ST8SIA1: variants seen among roughly 807,000 people sequenced by gnomAD.
ST8SIA1 encodes the protein ST8 alpha-N-acetyl-neuraminide alpha-2,8-sialyltransferase 1, also known as alpha-N-acetylneuraminide alpha-2,8-sialyltransferase.
In ST8SIA1, 16 loss-of-function variants were observed where a neutral mutation model predicts 35.9. The ratio of observed to expected loss-of-function variants is 0.45; its 90% CI spans 0.30 to 0.68. The LOEUF (loss-of-function observed/expected upper bound fraction) is 0.68, where lower values mean the gene tolerates loss of function less well. ST8SIA1 is among the 30% of genes least tolerant of loss of function. ST8SIA1 has a pLI of 0.09. For synonymous variants in ST8SIA1, 170 were observed against 169.6 expected (o/e 1.00, Z -0.02); for missense variants, 383 against 453.6 (o/e 0.84, Z 1.41).
intron 1 of ST8SIA1, chr12:22,326,051 C>T (rs894827352): frequency 2.2e-6 from 1 of 450,524 alleles, no homozygotes; most frequent in African/African-American, 2.1e-5. Context: ...TCTGGAATTT[C>T]CATTTAATAT....
intron 1 of ST8SIA1, among the ~76,000 whole-genome samples, chr12:22,291,897 G>A (rs767745192): frequency 6.6e-5 from 10 of 152,210 alleles, no homozygotes; most frequent in Middle Eastern, 3.4e-3. Context: ...AAGTCAGAGC[G>A]TGTCTGGAAT....
chr12:22,329,566 A>AC (rs1866731776), intron 1 of ST8SIA1, among the ~76,000 whole-genome samples: 1 of 151,988 alleles, frequency 6.6e-6, no homozygotes. Flanking sequence ...AATTCCATAA[A>AC]CCCCCAACTT....
chr12:22,274,571 C>A (rs1041410459), intron 2 of ST8SIA1, among the ~76,000 whole-genome samples: 1 of 152,156 alleles, frequency 6.6e-6, no homozygotes, highest in African/African-American at 2.4e-5. Context: ...AACAAAATAA[C>A]TACATGCCCA....
intron 1 of ST8SIA1, among the ~76,000 whole-genome samples, chr12:22,320,957 G>GAGAGAA (rs1555162740): frequency 1.1e-4 from 9 of 83,228 alleles, no homozygotes; most frequent in Non-Finnish European, 2.2e-4. Context: ...AAGAAAGAAA[G>GAGAGAA]AGAAAGAAAG....
intron 4 of ST8SIA1, among the ~76,000 whole-genome samples, chr12:22,228,581 G>A (rs999257583): frequency 3.3e-5 from 5 of 152,308 alleles, no homozygotes; most frequent in African/African-American, 4.8e-5. Context: ...AAGAGACAGA[G>A]TCATTGCCAT....
intron 4 of ST8SIA1, among the ~76,000 whole-genome samples, chr12:22,215,147 C>T (rs1865221646): frequency 6.6e-6 from 1 of 152,140 alleles, no homozygotes; most frequent in African/African-American, 2.4e-5. Flanking sequence ...TTTTCCAAGT[C>T]TCCCCCAACT....
chr12:22,199,379 GTTT>G lies in ST8SIA1; in HGVS notation c.*2170_*2172del, dbSNP rs1865026060. The G allele has an allele frequency of 6.6e-6, 1 of 151,658 alleles. No homozygotes were observed. Among genetic ancestry groups the G allele is most frequent in the African/African-American group, 2.4e-5 (1 of 41,312 alleles). The allele number at this position is 151,658 out of a possible 1,614,324, so 9.4% of individuals were successfully genotyped here. ...TAACATTTTATTAACTTTTATATGCGTTTTTGTTAAGCCTTTTATATTTTTAAT... is the reference window on the plus strand; with the variant it reads ...TAACATTTTATTAACTTTTATATGCGTTGTTAAGCCTTTTATATTTTTAAT... On this transcript the variant is annotated 3_prime_UTR_variant, in exon 5 of 5. Transcript: ENST00000396037.
chr12:22,248,444 G>A (rs972661848), intron 4 of ST8SIA1, among the ~76,000 whole-genome samples: 1 of 151,664 alleles, frequency 6.6e-6, no homozygotes, highest in Non-Finnish European at 1.5e-5. Flanking sequence ...AAGATTCCAG[G>A]CAATTTCAAG....
chr12:22,303,382 G>C (rs771719591), intron 1 of ST8SIA1, among the ~76,000 whole-genome samples: 1 of 151,978 alleles, frequency 6.6e-6, no homozygotes, highest in Non-Finnish European at 1.5e-5. Context: ...TGCTTCCTTG[G>C]CAATGGAAGG....
chr12:22,285,445 A>G (rs1235592528), intron 2 of ST8SIA1, among the ~76,000 whole-genome samples: 2 of 152,170 alleles, frequency 1.3e-5, no homozygotes, highest in Non-Finnish European at 2.9e-5. Context: ...AAAAGTACCT[A>G]AAGAGATTTC....
At chr12:22,271,860 C>T (rs923464941) in intron 2 of ST8SIA1, among the ~76,000 whole-genome samples, 1 of 152,182 alleles carries the variant, frequency 6.6e-6, no homozygotes, top group Admixed American at 6.5e-5. Flanking sequence ...TCAAGATCCC[C>T]ATGGTATGAC....
intron 1 of ST8SIA1, among the ~76,000 whole-genome samples, chr12:22,309,950 C>T (rs1018797341): frequency 1.3e-5 from 2 of 152,048 alleles, no homozygotes; most frequent in Non-Finnish European, 2.9e-5. Flanking sequence ...TTTATCTTTA[C>T]AAGAGTTAAG....
intron 3 of ST8SIA1, among the ~76,000 whole-genome samples, chr12:22,249,764 C>T (rs1443616650): frequency 1.3e-5 from 2 of 152,122 alleles, no homozygotes; most frequent in Non-Finnish European, 2.9e-5. Context: ...CATTCTTAGA[C>T]CTGAATTAAA....
chr12:22,235,892 CCACA>C (rs3831855), intron 4 of ST8SIA1, among the ~76,000 whole-genome samples: 9 of 149,504 alleles, frequency 6.0e-5, no homozygotes, highest in African/African-American at 9.8e-5. Context: ...ATTCCCTTCA[CCACA>C]CACACACACA....
chr12:22,218,823 AAAAT>A (rs1169913861), intron 4 of ST8SIA1, among the ~76,000 whole-genome samples: 2 of 151,498 alleles, frequency 1.3e-5, no homozygotes, highest in Non-Finnish European at 1.5e-5. Context: ...TGGTCTCAAA[AAAAT>A]AAATAAATAA....
chr12:22,263,582 C>T (rs979950311), intron 2 of ST8SIA1, among the ~76,000 whole-genome samples: 11 of 152,096 alleles, frequency 7.2e-5, no homozygotes, highest in African/African-American at 2.7e-4. Context: ...GTGATGCTTA[C>T]TTTCACACTT....
Position 22,314,302 on chromosome 12 carries a change from T to A in ST8SIA1, c.236+19695A>T, listed in dbSNP as rs74694597. On this transcript the variant is annotated intron_variant, in intron 1 of 4. Coordinates refer to ENST00000396037, the MANE Select transcript of ST8SIA1 (RefSeq NM_003034.4). Reference sequence around the variant, plus strand: ...GATTATCCCACAAGGCCAAAATATGTTAACCCAGAGAGAAGAAAGCCAGCC... The same window carrying A: ...GATTATCCCACAAGGCCAAAATATGATAACCCAGAGAGAAGAAAGCCAGCC... Among the ~76,000 whole-genome samples, 1,511 of 152,222 alleles carry A rather than the reference T, an allele frequency of 9.9e-3. 26 individuals are homozygous for A. The highest frequency in any genetic ancestry group is 0.034 in the African/African-American group (1,424 of 41,542).
chr12:22,332,071 A>T (rs927340046), intron 1 of ST8SIA1, among the ~76,000 whole-genome samples: 1 of 152,230 alleles, frequency 6.6e-6, no homozygotes, highest in Non-Finnish European at 1.5e-5. Context: ...TAGTCACAGC[A>T]TACTCAGTGT....
intron 1 of ST8SIA1, among the ~76,000 whole-genome samples, chr12:22,317,809 C>G (rs528649653): frequency 6.6e-6 from 1 of 152,186 alleles, no homozygotes; most frequent in Non-Finnish European, 1.5e-5. Context: ...GGCATGAATA[C>G]CAGGAGTGGG....
Sources: gnomAD v4.1 joint callset for allele counts (sites outside exome capture counted in the v4.1 genomes callset) on GRCh38, gnomAD v4.1.1 for gene constraint, MANE v1.5 for transcripts, NCBI Gene and HGNC (gene_info 2026-07-23, HGNC 2026-07-21) for gene names.